The following KLF12 variants were observed in gnomAD, a reference collection of about 807,000 sequenced individuals.
The protein encoded by KLF12 is KLF transcription factor 12.
A neutral mutation model predicts 37.8 loss-of-function variants in KLF12; 9 were observed. That is an observed-to-expected ratio of 0.24 (90% CI 0.14 to 0.42). KLF12 has a LOEUF of 0.42. KLF12 is among the 10% of genes least tolerant of loss of function. The pLI is 1.00. For missense variants in KLF12, 411 were observed against 516.0 expected (o/e 0.80, Z 1.97); for synonymous variants, 208 against 202.1 (o/e 1.03, Z -0.25).
intron 3 of KLF12, among the ~76,000 whole-genome samples, chr13:73,932,926 T>C (rs1889753580): frequency 6.6e-6 from 1 of 152,194 alleles, no homozygotes. Flanking sequence ...TATCAGATCA[T>C]GTCCAATGTG....
At chr13:74,007,476 C>CTGA (rs1892440642) in intron 1 of KLF12, among the ~76,000 whole-genome samples, 1 of 151,798 alleles carries the variant, frequency 6.6e-6, no homozygotes, top group African/African-American at 2.4e-5. Context: ...AGGGTTTCAC[C>CTGA]GTGTTCGCCA....
intron 6 of KLF12, among the ~76,000 whole-genome samples, chr13:73,751,687 A>G (rs1878765824): frequency 6.6e-6 from 1 of 152,222 alleles, no homozygotes; most frequent in South Asian, 2.1e-4. Context: ...GATAGAATAA[A>G]TGGCTCTTCC....
At chr13:73,832,887 G>T (rs1348028315) in intron 4 of KLF12, among the ~76,000 whole-genome samples, 3 of 152,170 alleles carry the variant, frequency 2.0e-5, no homozygotes, top group African/African-American at 7.2e-5. Flanking sequence ...ATCTGCTAAG[G>T]ACAGGAAAAA....
the KLF12 span, among the ~76,000 whole-genome samples, chr13:74,267,292 T>C: frequency 6.6e-6 from 1 of 152,156 alleles, no homozygotes; most frequent in African/African-American, 2.4e-5. Flanking sequence ...TCTAAATCCA[T>C]CAAAATGTAT....
At chr13:74,241,029 A>G in the KLF12 span, among the ~76,000 whole-genome samples, 1 of 152,138 alleles carries the variant, frequency 6.6e-6, no homozygotes, top group Non-Finnish European at 1.5e-5. Context: ...TCTGCTTTTT[A>G]GAGTTTCCAG....
chr13:74,038,095 A>G (rs1311188598), intron 1 of KLF12, among the ~76,000 whole-genome samples: 1 of 152,192 alleles, frequency 6.6e-6, no homozygotes, highest in African/African-American at 2.4e-5. Flanking sequence ...GAGTGCATGT[A>G]AAGTCAGTGA....
intron 5 of KLF12, among the ~76,000 whole-genome samples, chr13:73,811,178 G>A (rs1882923591): frequency 6.6e-6 from 1 of 151,410 alleles, no homozygotes; most frequent in Non-Finnish European, 1.5e-5. Flanking sequence ...TAGAGATGGG[G>A]TTTCACTATG....
At chr13:73,751,424 C>G (rs1236007865) in intron 6 of KLF12, among the ~76,000 whole-genome samples, 2 of 152,080 alleles carry the variant, frequency 1.3e-5, no homozygotes, top group African/African-American at 4.8e-5. Flanking sequence ...TAATAATAGC[C>G]ATTCTGACTG....
At chr13:73,700,710 T>C (rs7984233) in intron 7 of KLF12, among the ~76,000 whole-genome samples, 112,433 of 151,790 alleles carry the variant, frequency 0.74, 41,793 homozygotes, top group Middle Eastern at 0.86. Flanking sequence ...TTTCATTATA[T>C]ACGCCCAGTG....
At chr13:73,932,765 A>T (rs748080909) in intron 3 of KLF12, among the ~76,000 whole-genome samples, 18 of 152,202 alleles carry the variant, frequency 1.2e-4, no homozygotes, top group Non-Finnish European at 2.4e-4. Context: ...AGAGTGATTC[A>T]AAAGAGTTCA....
the KLF12 span, among the ~76,000 whole-genome samples, chr13:74,275,327 A>G: frequency 6.6e-6 from 1 of 152,166 alleles, no homozygotes; most frequent in Non-Finnish European, 1.5e-5. Context: ...AGATACGGGG[A>G]ACCATTGGAG....
At chr13:73,826,423 A>G (rs1037015294) in intron 4 of KLF12, among the ~76,000 whole-genome samples, 2 of 152,198 alleles carry the variant, frequency 1.3e-5, no homozygotes, top group African/African-American at 4.8e-5. Context: ...TTGCTCCCTC[A>G]TTAACTCGCT....
At chr13:73,822,729 G>A (rs533817157) in intron 4 of KLF12, among the ~76,000 whole-genome samples, 8 of 152,132 alleles carry the variant, frequency 5.3e-5, no homozygotes, top group East Asian at 3.9e-4. Flanking sequence ...CTGAAAGTAC[G>A]TCTTAGAGCA....
intron 7 of KLF12, among the ~76,000 whole-genome samples, chr13:73,706,259 TTTAG>T (rs1252360222): frequency 6.6e-6 from 1 of 152,194 alleles, no homozygotes; most frequent in African/African-American, 2.4e-5. Flanking sequence ...ACACAACTCA[TTTAG>T]TTATTTATTT....
At chr13:73,783,445 T>C (rs1485853536) in intron 5 of KLF12, among the ~76,000 whole-genome samples, 1 of 152,060 alleles carries the variant, frequency 6.6e-6, no homozygotes, top group Non-Finnish European at 1.5e-5. Flanking sequence ...TAAAGAATAA[T>C]TGTATATTTC....
chr13:74,155,225 C>T, the KLF12 span, among the ~76,000 whole-genome samples: 1 of 152,140 alleles, frequency 6.6e-6, no homozygotes, highest in Non-Finnish European at 1.5e-5. Flanking sequence ...AAGCATGCCC[C>T]CACATGCAGC....
intron 3 of KLF12, among the ~76,000 whole-genome samples, chr13:73,914,764 G>A (rs539800129): frequency 6.6e-6 from 1 of 152,068 alleles, no homozygotes; most frequent in African/African-American, 2.4e-5. Flanking sequence ...TGGTCTGGGT[G>A]GGGGGTGATG....
chr13:73,946,882 G>T (rs1006141850), intron 2 of KLF12, among the ~76,000 whole-genome samples: 6 of 152,178 alleles, frequency 3.9e-5, no homozygotes, highest in Non-Finnish European at 4.4e-5. Context: ...ATCTAGGAAG[G>T]TGTGTGATTT....
intron 1 of KLF12, among the ~76,000 whole-genome samples, chr13:74,060,496 G>GTGTGTGTGTGTGTC (rs1555336655): frequency 0.065 from 9,201 of 141,896 alleles, 497 homozygotes; most frequent in African/African-American, 0.12. Context: ...GTGTGTGTGT[G>GTGTGTGTGTGTGTC]TGTGTGTGTG....
Sources: gnomAD v4.1 joint callset for allele counts (sites outside exome capture counted in the v4.1 genomes callset) on GRCh38, gnomAD v4.1.1 for gene constraint, MANE v1.5 for transcripts, NCBI Gene and HGNC (gene_info 2026-07-23, HGNC 2026-07-21) for gene names.